GRID2: variants seen among roughly 807,000 people sequenced by gnomAD.
GRID2 encodes the protein glutamate ionotropic receptor delta type subunit 2.
GRID2 carries 33 observed loss-of-function variants against 114.8 expected under a neutral mutation model. The observed-to-expected ratio is 0.29, with a 90% confidence interval of 0.22 to 0.38. The LOEUF (loss-of-function observed/expected upper bound fraction) is 0.38, where lower values mean the gene tolerates loss of function less well. Among genes scored for constraint, GRID2 ranks in the 10% least tolerant of loss-of-function variants. GRID2 has a pLI of 1.00. For synonymous variants in GRID2, 505 were observed against 449.9 expected (o/e 1.12, Z -1.55); for missense variants, 1,184 against 1,257.7 (o/e 0.94, Z 0.89).
chr4:93,509,304 A>T (rs1728942117), intron 12 of GRID2, among the ~76,000 whole-genome samples: 1 of 152,214 alleles, frequency 6.6e-6, no homozygotes, highest in Admixed American at 6.5e-5. Context: ...GAGGTAAAAT[A>T]TACAGAACTT....
At chr4:92,521,098 A>C (rs1724751918) in intron 1 of GRID2, among the ~76,000 whole-genome samples, 2 of 151,820 alleles carry the variant, frequency 1.3e-5, no homozygotes, top group African/African-American at 2.4e-5. Flanking sequence ...TCAATAAATA[A>C]ATTTATTGAG....
At chr4:93,326,647 G>T (rs1757866755) in intron 8 of GRID2, among the ~76,000 whole-genome samples, 1 of 149,890 alleles carries the variant, frequency 6.7e-6, no homozygotes, top group Non-Finnish European at 1.5e-5. Context: ...ACAGGCATGT[G>T]TACCCGCCAC....
At chr4:93,212,341 T>C (rs1480339545) in intron 5 of GRID2, among the ~76,000 whole-genome samples, 2 of 152,112 alleles carry the variant, frequency 1.3e-5, no homozygotes, top group Non-Finnish European at 2.9e-5. Context: ...TTGAAAACAA[T>C]ATATTTTTTT....
chr4:92,384,466 A>T (rs865815866), intron 1 of GRID2, among the ~76,000 whole-genome samples: 10 of 44,266 alleles, frequency 2.3e-4, no homozygotes, highest in East Asian at 8.1e-4. Context: ...ATATATATAT[A>T]TATATATATA....
intron 11 of GRID2, among the ~76,000 whole-genome samples, chr4:93,482,709 T>C (rs1725996099): frequency 2.6e-5 from 4 of 151,774 alleles, no homozygotes; most frequent in African/African-American, 7.3e-5. Context: ...AATAAATAAA[T>C]AAATAAATAA....
At chr4:92,742,640 CTG>C (rs754193274) in intron 2 of GRID2, among the ~76,000 whole-genome samples, 6 of 152,148 alleles carry the variant, frequency 3.9e-5, no homozygotes, top group Non-Finnish European at 7.3e-5. Context: ...CTTCACTGAA[CTG>C]TGAATAACCT....
intron 8 of GRID2, among the ~76,000 whole-genome samples, chr4:93,357,506 T>G (rs949033047): frequency 6.7e-4 from 101 of 151,636 alleles, no homozygotes; most frequent in African/African-American, 2.4e-3. Context: ...ACTATTAATT[T>G]TCCTTTTTAT....
chr4:93,772,182 C>G lies in GRID2; in HGVS notation c.2708C>G (p.Thr903Ser). 1 of 1,613,768 alleles carries G rather than the reference C, an allele frequency of 6.2e-7. No homozygotes were observed. Among genetic ancestry groups the G allele is most frequent in the South Asian group, 1.1e-5 (1 of 91,082 alleles). ...TTTTCCACCTCGTCAATTGATTTGA[C>G]CCCTCTGGACATTGACACTTTGCCA... ...KQFSTSSIDL[T>S]PLDIDTLPTR... is the part of the protein sequence containing the mutation. Residue 903 changes from threonine (T) to serine (S), a missense_variant, in exon 16 of 16, where the codon ACC becomes AGC. Thr to Ser is a moderately conservative substitution (Grantham distance 58). Coordinates refer to ENST00000282020, the MANE Select transcript of GRID2 (RefSeq NM_001510.4).
At chr4:92,783,917 T>C (rs77805383) in intron 2 of GRID2, among the ~76,000 whole-genome samples, 2,876 of 152,042 alleles carry the variant, frequency 0.019, 34 homozygotes, top group Middle Eastern at 0.044. Flanking sequence ...AACTTCAACT[T>C]TGCTTCCTCC....
At chr4:93,677,362 AC>A (rs1724993645) in intron 14 of GRID2, among the ~76,000 whole-genome samples, 1 of 152,140 alleles carries the variant, frequency 6.6e-6, no homozygotes, top group Admixed American at 6.5e-5. Flanking sequence ...GCACACACAA[AC>A]AAAAAGACAG....
chr4:93,200,529 G>A (rs113320307), intron 4 of GRID2, among the ~76,000 whole-genome samples: 3 of 151,752 alleles, frequency 2.0e-5, no homozygotes, highest in Admixed American at 6.6e-5. Context: ...TCGCGCCACT[G>A]CACTCCAGCC....
At chr4:92,956,214 A>G (rs1045650404) in intron 2 of GRID2, among the ~76,000 whole-genome samples, 1 of 152,174 alleles carries the variant, frequency 6.6e-6, no homozygotes, top group African/African-American at 2.4e-5. Context: ...GCTACAATTG[A>G]TGAAGATAAC....
chr4:92,657,253 G>A (rs1732287418), intron 2 of GRID2, among the ~76,000 whole-genome samples: 3 of 150,508 alleles, frequency 2.0e-5, no homozygotes. Flanking sequence ...CATTTACTTG[G>A]ATTCTTATTG....
intron 8 of GRID2, among the ~76,000 whole-genome samples, chr4:93,369,535 G>T (rs971223475): frequency 6.6e-6 from 1 of 152,102 alleles, no homozygotes; most frequent in African/African-American, 2.4e-5. Context: ...TGTTGTCAAG[G>T]CTGGAGTGCA....
At chr4:92,843,246 A>T (rs555269642) in intron 2 of GRID2, among the ~76,000 whole-genome samples, 1 of 152,194 alleles carries the variant, frequency 6.6e-6, no homozygotes, top group African/African-American at 2.4e-5. Context: ...TGTCTCCGAA[A>T]AAAAATAAAA....
chr4:93,468,612 C>T (rs560690549), intron 11 of GRID2, among the ~76,000 whole-genome samples: 2 of 152,068 alleles, frequency 1.3e-5, no homozygotes, highest in Admixed American at 6.6e-5. Context: ...AAAGGTTCTG[C>T]TTGAAGAGGC....
At chr4:92,363,923 A>G (rs922329234) in intron 1 of GRID2, among the ~76,000 whole-genome samples, 1 of 149,362 alleles carries the variant, frequency 6.7e-6, no homozygotes, top group Non-Finnish European at 1.5e-5. Context: ...GGGTTGAAGC[A>G]ATTCTTGTGT....
chr4:92,311,575 TTAAAC>T (rs1398644874), intron 1 of GRID2, among the ~76,000 whole-genome samples: 6 of 152,236 alleles, frequency 3.9e-5, no homozygotes, highest in South Asian at 4.1e-4. Flanking sequence ...ATGTTTTTCT[TTAAAC>T]TAAAATAATT....
chr4:93,305,114 T>G (rs1464855329), intron 8 of GRID2, among the ~76,000 whole-genome samples: 2 of 151,970 alleles, frequency 1.3e-5, no homozygotes, highest in African/African-American at 2.4e-5. Flanking sequence ...AGTAATAGAG[T>G]TCTGTGACTC....
Sources: allele counts gnomAD v4.1 joint callset (sites outside exome capture counted in the v4.1 genomes callset), GRCh38; gene constraint gnomAD v4.1.1; transcripts MANE v1.5; gene names NCBI Gene and HGNC (gene_info 2026-07-23, HGNC 2026-07-21).